Variants in PDE4A observed in about 807,000 individuals in gnomAD.
The protein encoded by PDE4A is 3',5'-cyclic-AMP phosphodiesterase 4A.
Under a neutral mutation model 73.9 loss-of-function variants are expected in PDE4A, and 21 were observed. That is an observed-to-expected ratio of 0.28 (90% CI 0.20 to 0.41). PDE4A has a LOEUF of 0.41. PDE4A is among the 10% of genes least tolerant of loss of function. PDE4A has a pLI of 1.00. For synonymous variants in PDE4A, 463 were observed against 505.4 expected, an observed-to-expected ratio of 0.92 and a Z score of 1.13; for missense variants, 958 against 1,211.4, an observed-to-expected ratio of 0.79 and a Z score of 3.10.
rs2042692251 is a variant in PDE4A at position 10,424,640 on chromosome 19, G to T, written c.320+3556G>T. 6.6e-6 allele frequency among the ~76,000 whole-genome samples: 1 copy of T among 152,256 alleles called. No individual in the cohort carries two copies. Among genetic ancestry groups the T allele is most frequent in the African/African-American group, 2.4e-5 (1 of 41,470 alleles). ...TTATTGAGCGTCCTGGAGAGCGGGC[G>T]CCAGGCCGGCTGACCGCAGGCTGCG... On this transcript the variant is annotated intron_variant, in intron 1 of 14. Transcript: ENST00000380702. The surrounding 1 kb of genome is among the most constrained non-coding windows in gnomAD (Gnocchi z 4.8).
At chr19:10,421,552 G>C (rs2042651785) in intron 1 of PDE4A, among the ~76,000 whole-genome samples, 1 of 152,132 alleles carries the variant, frequency 6.6e-6, no homozygotes, top group Non-Finnish European at 1.5e-5. Flanking sequence ...GGTCCTTCTA[G>C]GGGATGGAGG....
upstream of PDE4A, chr19:10,417,088 C>G: frequency 1.3e-5 from 19 of 1,480,896 alleles, no homozygotes; most frequent in Non-Finnish European, 1.7e-5. Context: ...CGTGGCTTCA[C>G]TACCTCCAAG....
chr19:10,447,121 C>T (rs11878887), intron 2 of PDE4A, among the ~76,000 whole-genome samples: 30,853 of 144,342 alleles, frequency 0.21, 3,343 homozygotes, highest in Middle Eastern at 0.27. Context: ...AGGATGGTCT[C>T]GATCTCCTGA....
chr19:10,416,846 G>C (rs993994006), upstream of PDE4A: 54 of 1,533,052 alleles, frequency 3.5e-5, no homozygotes, highest in Non-Finnish European at 4.6e-5. Flanking sequence ...GGGAGCCCTG[G>C]GGCACTGATG....
At chr19:10,466,394 G>C (rs1299107224) in intron 14 of PDE4A, among the ~76,000 whole-genome samples, 1 of 135,450 alleles carries the variant, frequency 7.4e-6, no homozygotes, top group Non-Finnish European at 1.6e-5. Context: ...GCAGTGAGCC[G>C]AGATCGAGCC....
At chr19:10,443,151 C>T (rs1185131125) in intron 1 of PDE4A, among the ~76,000 whole-genome samples, 5 of 152,044 alleles carry the variant, frequency 3.3e-5, no homozygotes, top group Middle Eastern at 3.4e-3. Context: ...CCAGCCTGGG[C>T]AACAGAGTGA....
intron 14 of PDE4A, 89 bp downstream of exon 14, chr19:10,464,064 C>T: frequency 6.6e-7 from 1 of 1,513,936 alleles, no homozygotes; most frequent in Non-Finnish European, 9.1e-7. Flanking sequence ...GAGCTCCTCC[C>T]CTGCCTTTCC....
intron 1 of PDE4A, among the ~76,000 whole-genome samples, chr19:10,423,980 G>GT (rs925931407): frequency 1.4e-4 from 21 of 152,210 alleles, no homozygotes; most frequent in Non-Finnish European, 2.9e-4. Context: ...CAAAAAGGGG[G>GT]TTTTTACCAG....
rs200585509 is a variant in PDE4A, at chr19:10,463,913, G to A, written c.1864G>A (p.Glu622Lys). ...CTTCCAGCAGGGTGACCGAGAGCGC[G>A]AGCGTGGCATGGAAATCAGCCCCAT... is the stretch of plus-strand genomic sequence containing the variant. ...EFFQQGDRER[E>K]RGMEISPMCD... The change falls in exon 14 of 15, where the codon GAG (glutamate) becomes AAG (lysine). Residue 622 changes from glutamate (E) to lysine (K), a missense_variant. By Grantham distance (56) the Glu-to-Lys change is moderately conservative (BLOSUM62 1). This residue lies in a region of PDE4A where 570 missense variants were observed against 827.7 expected (regional missense o/e 0.69). Transcript: ENST00000380702. 10 of 1,613,956 alleles carry A rather than the reference G, an allele frequency of 6.2e-6. No individual in the cohort carries two copies. The highest frequency in any genetic ancestry group is 1.1e-5 in the South Asian group (1 of 91,078).
At chr19:10,428,123 G>A (rs1387025) in intron 1 of PDE4A, among the ~76,000 whole-genome samples, 71,741 of 151,732 alleles carry the variant, frequency 0.47, 17,761 homozygotes, top group African/African-American at 0.61. Flanking sequence ...AGGCCAAGGC[G>A]GGCAGATCAC....
intron 10 of PDE4A, 89 bp from the exon 11 acceptor site, chr19:10,460,915 C>G: frequency 7.1e-7 from 1 of 1,408,164 alleles, no homozygotes; most frequent in Non-Finnish European, 9.5e-7. Flanking sequence ...CCTCCCATCT[C>G]AGCCTCCTAA....
At chr19:10,435,927 C>T (rs766512735) in intron 1 of PDE4A, among the ~76,000 whole-genome samples, 10 of 152,188 alleles carry the variant, frequency 6.6e-5, no homozygotes, top group Non-Finnish European at 1.3e-4. Context: ...TCTGTCCTCC[C>T]TCAGCCCAGG....
At chr19:10,455,598 C>T (rs79947303) in intron 7 of PDE4A, among the ~76,000 whole-genome samples, 9 of 151,974 alleles carry the variant, frequency 5.9e-5, no homozygotes, top group Non-Finnish European at 1.3e-4. Context: ...CACACCACTG[C>T]GTTCCAGCCT....
intron 1 of PDE4A, among the ~76,000 whole-genome samples, chr19:10,444,346 A>G (rs2042975719): frequency 6.6e-6 from 1 of 151,854 alleles, no homozygotes; most frequent in Admixed American, 6.6e-5. Flanking sequence ...TGAAAATACA[A>G]AATTTGCCAG....
chr19:10,454,517 G>A (rs2043142312), intron 6 of PDE4A, among the ~76,000 whole-genome samples: 1 of 152,210 alleles, frequency 6.6e-6, no homozygotes, highest in Admixed American at 6.5e-5. Context: ...CTCCCTGTTA[G>A]GCAGGAGCCC....
intron 1 of PDE4A, among the ~76,000 whole-genome samples, chr19:10,443,095 C>A (rs979342830): frequency 6.6e-6 from 1 of 152,042 alleles, no homozygotes; most frequent in East Asian, 1.9e-4. Context: ...GGGGGGATCG[C>A]TAGAGTCCAG....
At chr19:10,423,186 GTCTC>G in intron 1 of PDE4A, 14 of 802,916 alleles carry the variant, frequency 1.7e-5, no homozygotes, top group South Asian at 5.9e-5. Flanking sequence ...TTTTGACAGA[GTCTC>G]CTCTGTCACC....
chr19:10,417,740 C>T (rs750943062), upstream of PDE4A: 17 of 1,585,732 alleles, frequency 1.1e-5, no homozygotes, highest in South Asian at 1.4e-4. Flanking sequence ...GCCTCTCGTC[C>T]GGTCCTGGCC....
chr19:10,441,093 C>T (rs147041517), intron 1 of PDE4A, among the ~76,000 whole-genome samples: 1 of 151,768 alleles, frequency 6.6e-6, no homozygotes, highest in African/African-American at 2.4e-5. Context: ...TGCAGTGGTG[C>T]GATCACAGCT....
Sources: gnomAD v4.1 joint callset for allele counts (sites outside exome capture counted in the v4.1 genomes callset) on GRCh38, gnomAD v4.1.1 for gene constraint, gnomAD v4.1.1 regional missense constraint, Gnocchi (gnomAD v3.1) non-coding constraint, MANE v1.5 for transcripts, NCBI Gene and HGNC (gene_info 2026-07-23, HGNC 2026-07-21) for gene names.